Variants in CHODL observed in about 807,000 individuals in gnomAD.
CHODL encodes the protein chondrolectin.
Under a neutral mutation model 34.5 loss-of-function variants are expected in CHODL, and 29 were observed. The ratio of observed to expected loss-of-function variants is 0.84; its 90% CI spans 0.63 to 1.15. The LOEUF is 1.15. CHODL is among the 50% of genes most tolerant of loss of function. The probability of loss-of-function intolerance (pLI) is 0.00; values close to 1 mark genes in which losing one functional copy is unlikely to be tolerated. For missense variants in CHODL, 332 were observed against 332.5 expected (o/e 1.00, Z 0.01); for synonymous variants, 125 against 116.1 (o/e 1.08, Z -0.49).
intron 2 of CHODL, among the ~76,000 whole-genome samples, chr21:18,049,693 C>G (rs1408171078): frequency 6.6e-6 from 1 of 151,930 alleles, no homozygotes; most frequent in East Asian, 1.9e-4. Context: ...TCTGTGTGCT[C>G]TCATCCCTGG....
chr21:18,247,729 A>C lies in CHODL; in HGVS notation c.79+2427A>C, dbSNP rs543553336. Among the ~76,000 whole-genome samples the C allele has an allele frequency of 3.7e-4, 57 of 152,226 alleles. 2 individuals are homozygous for C. The South Asian group carries it at 0.012, about 31-fold the overall frequency. On this transcript the variant is annotated intron_variant, in intron 1 of 5. Transcript: ENST00000299295. Reference sequence around the variant, plus strand: ...TAATCAAAGCCTATTTATTGAATTTATGATGCTAATTTGGAAACTACCTTT... The same window carrying C: ...TAATCAAAGCCTATTTATTGAATTTCTGATGCTAATTTGGAAACTACCTTT...
intron 1 of CHODL, among the ~76,000 whole-genome samples, chr21:18,017,160 G>A (rs2064083085): frequency 6.6e-6 from 1 of 152,168 alleles, no homozygotes; most frequent in African/African-American, 2.4e-5. Flanking sequence ...AGGCATGATT[G>A]TGTTTTGAAA....
chr21:18,003,782 A>G (rs112770680), intron 1 of CHODL, among the ~76,000 whole-genome samples: 4 of 152,216 alleles, frequency 2.6e-5, no homozygotes, highest in African/African-American at 9.6e-5. Flanking sequence ...GTTCTGTCAG[A>G]TCGTTCCAGC....
At chr21:18,162,411 T>TCTCTC (rs2073105496) in intron 2 of CHODL, among the ~76,000 whole-genome samples, 5 of 147,804 alleles carry the variant, frequency 3.4e-5, no homozygotes, top group Non-Finnish European at 7.4e-5. Flanking sequence ...ACGTGGTGTT[T>TCTCTC]TCTCTCTCTC....
At chr21:18,206,854 C>A (rs1039617991) in intron 2 of CHODL, among the ~76,000 whole-genome samples, 1 of 138,428 alleles carries the variant, frequency 7.2e-6, no homozygotes, top group South Asian at 2.4e-4. Flanking sequence ...CAAATAATAT[C>A]TTATAACCCA....
chr21:18,024,236 C>T (rs2064153219), intron 1 of CHODL, among the ~76,000 whole-genome samples: 3 of 152,184 alleles, frequency 2.0e-5, no homozygotes, highest in East Asian at 3.9e-4. Context: ...TCCTTCTAAC[C>T]ATGATAATAA....
chr21:18,260,820 A>AAACAAC (rs558969072), intron 4 of CHODL, among the ~76,000 whole-genome samples: 6 of 136,572 alleles, frequency 4.4e-5, no homozygotes, highest in South Asian at 2.2e-4. Context: ...TCAAAAAAGC[A>AAACAAC]AACAACAACA....
At chr21:18,063,939 G>A (rs1297353698) in intron 2 of CHODL, among the ~76,000 whole-genome samples, 2 of 151,988 alleles carry the variant, frequency 1.3e-5, no homozygotes, top group Admixed American at 6.6e-5. Flanking sequence ...GTGACTAGCT[G>A]CTTGTCACTA....
chr21:18,129,236 A>G (rs1412126756), intron 2 of CHODL, among the ~76,000 whole-genome samples: 1 of 151,030 alleles, frequency 6.6e-6, no homozygotes, highest in Non-Finnish European at 1.5e-5. Context: ...TAGATATCTT[A>G]TTGAAATTCA....
chr21:18,194,193 A>T (rs2146696799), intron 2 of CHODL, among the ~76,000 whole-genome samples: 1 of 152,274 alleles, frequency 6.6e-6, no homozygotes, highest in East Asian at 1.9e-4. Context: ...AAAAATTATC[A>T]AAATCTCAAA....
chr21:18,022,757 A>G (rs553079179), intron 1 of CHODL, among the ~76,000 whole-genome samples: 4 of 152,304 alleles, frequency 2.6e-5, no homozygotes, highest in African/African-American at 7.2e-5. Context: ...TCTAAACTCA[A>G]TTCAACATGC....
intron 2 of CHODL, among the ~76,000 whole-genome samples, chr21:18,095,747 ATT>A (rs2065132151): frequency 6.6e-6 from 1 of 152,238 alleles, no homozygotes. Context: ...TAATGCAATG[ATT>A]CTCAAGAAAA....
chr21:18,102,145 T>A (rs1396983318), intron 2 of CHODL, among the ~76,000 whole-genome samples: 1 of 152,168 alleles, frequency 6.6e-6, no homozygotes, highest in East Asian at 1.9e-4. Context: ...TCCTATTCTA[T>A]ATCCATAGGC....
intron 2 of CHODL, among the ~76,000 whole-genome samples, chr21:18,082,070 C>T (rs1338690501): frequency 2.0e-5 from 3 of 152,106 alleles, no homozygotes; most frequent in Admixed American, 1.3e-4. Flanking sequence ...ATTTGTAATT[C>T]CCATGTGTCA....
At chr21:18,125,577 T>C (rs1157595335) in intron 2 of CHODL, among the ~76,000 whole-genome samples, 1 of 152,014 alleles carries the variant, frequency 6.6e-6, no homozygotes, top group African/African-American at 2.4e-5. Context: ...TAATTAATTG[T>C]ATTAATTACA....
intron 2 of CHODL, among the ~76,000 whole-genome samples, chr21:18,066,957 C>T (rs993790966): frequency 1.3e-5 from 2 of 152,144 alleles, no homozygotes; most frequent in Non-Finnish European, 2.9e-5. Context: ...TTGATCTTGA[C>T]CCTCCTAAGC....
intron 2 of CHODL, among the ~76,000 whole-genome samples, chr21:18,079,583 TAC>T (rs1318404678): frequency 2.0e-5 from 3 of 150,530 alleles, no homozygotes; most frequent in African/African-American, 7.3e-5. Context: ...TACACACATA[TAC>T]CATAGAATAT....
At chr21:18,071,306 C>T (rs1438912444) in intron 2 of CHODL, among the ~76,000 whole-genome samples, 1 of 151,934 alleles carries the variant, frequency 6.6e-6, no homozygotes, top group Non-Finnish European at 1.5e-5. Flanking sequence ...GCCACCACAC[C>T]TGGCTAATTT....
At chr21:18,085,753 A>T (rs749998362) in intron 2 of CHODL, among the ~76,000 whole-genome samples, 5 of 152,080 alleles carry the variant, frequency 3.3e-5, no homozygotes, top group African/African-American at 4.8e-5. Context: ...TTTATAGGTG[A>T]CTATATGCTT....
Sources: allele counts gnomAD v4.1 joint callset (sites outside exome capture counted in the v4.1 genomes callset), GRCh38; gene constraint gnomAD v4.1.1; transcripts MANE v1.5; gene names NCBI Gene and HGNC (gene_info 2026-07-23, HGNC 2026-07-21).